The following TDRD7 variants were observed in gnomAD, a reference collection of about 807,000 sequenced individuals.
The protein encoded by TDRD7 is tudor domain-containing protein 7.
TDRD7 carries 47 observed loss-of-function variants against 109.8 expected under a neutral mutation model. The observed-to-expected ratio is 0.43, with a 90% CI of 0.34 to 0.55. TDRD7 has a LOEUF of 0.55. Among genes scored for constraint, TDRD7 ranks in the 20% least tolerant of loss-of-function variants. TDRD7 has a pLI of 0.03. For missense variants in TDRD7, 1,164 were observed against 1,319.2 expected (o/e 0.88, Z 1.82); for synonymous variants, 424 against 457.3 (o/e 0.93, Z 0.93).
At chr9:97,461,648 T>C (rs1177858481) in intron 7 of TDRD7, among the ~76,000 whole-genome samples, 1 of 152,148 alleles carries the variant, frequency 6.6e-6, no homozygotes, top group East Asian at 1.9e-4. Flanking sequence ...ACGTGGAAAA[T>C]ATAGAAAGAC....
At position 97,439,907 on chromosome 9, in the gene TDRD7, C is replaced by T. The variant is rs188034301; in HGVS notation, c.637+589C>T. The stretch of plus-strand genomic sequence containing the variant: ...CAACCACTTGTTATCTTTTCTTCTC[C>T]AACCAATGTGTAAATCCCCTGCTCA... On this transcript the variant is annotated intron_variant, in intron 5 of 16. Coordinates refer to ENST00000355295, the MANE Select transcript of TDRD7 (RefSeq NM_014290.3). Among the ~76,000 whole-genome samples the T allele has an allele frequency of 9.9e-5, 15 of 152,256 alleles. No individual in the cohort carries two copies. In the East Asian group the frequency reaches 2.7e-3, roughly 27 times the overall value.
chr9:97,445,498 C>T (rs1564200913), intron 6 of TDRD7, among the ~76,000 whole-genome samples: 1 of 152,130 alleles, frequency 6.6e-6, no homozygotes, highest in Non-Finnish European at 1.5e-5. Context: ...GGAGACTCTA[C>T]ATAGTCTGAT....
chr9:97,490,193 C>G (rs1829278787), intron 16 of TDRD7, among the ~76,000 whole-genome samples: 1 of 152,132 alleles, frequency 6.6e-6, no homozygotes, highest in Non-Finnish European at 1.5e-5. Flanking sequence ...AATTTCTGAC[C>G]TATATTATTT....
chr9:97,447,255 T>C (rs1205177699), intron 6 of TDRD7, among the ~76,000 whole-genome samples: 1 of 152,158 alleles, frequency 6.6e-6, no homozygotes, highest in Non-Finnish European at 1.5e-5. Context: ...TTGAGGTAGA[T>C]TTTTACCTTA....
chr9:97,476,820 A>C (rs1829030601), intron 12 of TDRD7, among the ~76,000 whole-genome samples: 1 of 152,080 alleles, frequency 6.6e-6, no homozygotes, highest in African/African-American at 2.4e-5. Flanking sequence ...GCTTTACTGA[A>C]TTTTTTAAAT....
intron 16 of TDRD7, 27 bp downstream of exon 16, chr9:97,487,359 G>A (rs1328000766): frequency 1.9e-6 from 3 of 1,613,742 alleles, no homozygotes; most frequent in East Asian, 2.2e-5. Flanking sequence ...CTGAACTCAT[G>A]CTACAACAAT....
At chr9:97,465,280 C>T (rs1204080131) in intron 8 of TDRD7, among the ~76,000 whole-genome samples, 1 of 152,148 alleles carries the variant, frequency 6.6e-6, no homozygotes, top group Admixed American at 6.5e-5. Context: ...AACACATTAT[C>T]CAATCAGGGA....
intron 6 of TDRD7, among the ~76,000 whole-genome samples, chr9:97,450,717 A>G (rs1828475856): frequency 1.3e-5 from 2 of 152,200 alleles, no homozygotes; most frequent in Admixed American, 1.3e-4. Flanking sequence ...CCAGAAAATT[A>G]AAAAGAGGTG....
intron 14 of TDRD7, among the ~76,000 whole-genome samples, chr9:97,481,310 C>T (rs1407563059): frequency 6.6e-6 from 1 of 152,120 alleles, no homozygotes; most frequent in Non-Finnish European, 1.5e-5. Flanking sequence ...TCCTCTATTT[C>T]TTTTTTATTC....
At chr9:97,465,124 G>T (rs1828800402) in intron 8 of TDRD7, 96 bp downstream of exon 8, 1 of 1,428,832 alleles carries the variant, frequency 7.0e-7, no homozygotes, top group South Asian at 1.3e-5. Flanking sequence ...TTTAAATGTT[G>T]TATCCTATAA....
chr9:97,478,360 T>C, intron 12 of TDRD7, 79 bp from the exon 13 acceptor site: 1 of 1,547,980 alleles, frequency 6.5e-7, no homozygotes, highest in South Asian at 1.1e-5. Context: ...CATTCAGGAT[T>C]GTACAAAATG....
intron 16 of TDRD7, among the ~76,000 whole-genome samples, chr9:97,489,579 A>AT (rs936358336): frequency 4.6e-5 from 7 of 150,808 alleles, no homozygotes; most frequent in South Asian, 4.2e-4. Context: ...GTTGAGTCTT[A>AT]TTTTTTTTTA....
At position 97,459,680 on chromosome 9, in the gene TDRD7, C is replaced by T. The variant is rs141234336; in HGVS notation, c.856-498C>T. Among the ~76,000 whole-genome samples, 338 of 152,338 alleles carry T rather than the reference C, an allele frequency of 2.2e-3. 1 individual carries two copies. Among genetic ancestry groups the T allele is most frequent in the African/African-American group, 7.7e-3 (319 of 41,580 alleles). ...GTGGTTGTTTTAAAACTGTACTTAT[C>T]TCTGGAGCATCTTTTTCTAAATAAT... On this transcript the variant is annotated intron_variant, in intron 6 of 16. Transcript: ENST00000355295.
chr9:97,419,188 A>T (rs1448481470), intron 1 of TDRD7, among the ~76,000 whole-genome samples: 1 of 152,240 alleles, frequency 6.6e-6, no homozygotes, highest in Non-Finnish European at 1.5e-5. Context: ...AAAGATGCAA[A>T]GCCCAGTTTC....
intron 14 of TDRD7, among the ~76,000 whole-genome samples, chr9:97,481,188 A>G (rs1294555152): frequency 4.6e-5 from 7 of 152,218 alleles, no homozygotes; most frequent in East Asian, 1.9e-4. Flanking sequence ...CCCATTATTA[A>G]TGTAGAAGAG....
chr9:97,473,458 C>G (rs1828956112), intron 10 of TDRD7, 34 bp from the exon 11 acceptor site: 1 of 1,612,868 alleles, frequency 6.2e-7, no homozygotes, highest in Non-Finnish European at 8.5e-7. Context: ...ATTCTGCTCT[C>G]AAGCATTCAC....
Position 97,495,745 on chromosome 9 carries a change from GCAGA to G in TDRD7, c.3163_3166del (p.Thr1055SerfsTer12). The G allele has an allele frequency of 6.2e-7, 1 of 1,614,082 alleles. No individual in the cohort carries two copies. On this transcript the variant is annotated frameshift_variant, in exon 17 of 17. Coordinates refer to ENST00000355295, the MANE Select transcript of TDRD7 (RefSeq NM_014290.3). LOFTEE classifies it high-confidence loss of function. ...AGAAGAAACCTCTGGTGGCACTGGTGCAGACAGTCATTGAAAATGCTAACCCTTG... is the reference window on the plus strand; with the variant it reads ...AGAAGAAACCTCTGGTGGCACTGGTGCAGTCATTGAAAATGCTAACCCTTG...
intron 16 of TDRD7, among the ~76,000 whole-genome samples, chr9:97,492,461 T>A (rs1829324033): frequency 6.6e-6 from 1 of 152,208 alleles, no homozygotes; most frequent in Non-Finnish European, 1.5e-5. Flanking sequence ...AAAAGTGTGG[T>A]TTTTGAAGTC....
intron 12 of TDRD7, among the ~76,000 whole-genome samples, chr9:97,477,368 C>T (rs12553765): frequency 0.51 from 77,330 of 152,018 alleles, 19,804 homozygotes; most frequent in African/African-American, 0.55. Flanking sequence ...GTTGTCATGT[C>T]TTCTTAGTAT....
Sources: allele counts gnomAD v4.1 joint callset (sites outside exome capture counted in the v4.1 genomes callset), GRCh38; gene constraint gnomAD v4.1.1; transcripts MANE v1.5; gene names NCBI Gene and HGNC (gene_info 2026-07-23, HGNC 2026-07-21).